Variants in WFDC8 observed in about 807,000 individuals in gnomAD.
WFDC8 encodes the protein WAP four-disulfide core domain 8.
WFDC8 carries 24 observed loss-of-function variants against 27.0 expected under a neutral mutation model. The observed-to-expected ratio is 0.89, with a 90% confidence interval of 0.64 to 1.25. WFDC8 has a LOEUF of 1.25. Ranked by LOEUF, WFDC8 falls within the 50% of genes most tolerant of loss-of-function variation. WFDC8 has a pLI of 0.00. For synonymous variants in WFDC8, 106 were observed against 99.7 expected (o/e 1.06, Z -0.38); for missense variants, 287 against 295.9 (o/e 0.97, Z 0.22).
At chr20:45,558,225 A>G (rs998146480) in intron 3 of WFDC8, among the ~76,000 whole-genome samples, 1 of 152,116 alleles carries the variant, frequency 6.6e-6, no homozygotes, top group Admixed American at 6.5e-5. Context: ...GAATTACCCA[A>G]TCAAAGCCCA....
rs760126387 is a variant in WFDC8, at chr20:45,553,141, C to T, written c.581G>A (p.Trp194Ter). The change falls in exon 5 of 6, where the codon TGG becomes TAG. Residue 194 changes from tryptophan (W) to a stop codon, truncating the protein, a stop_gained. Coordinates refer to ENST00000289953, the MANE Select transcript of WFDC8 (RefSeq NM_130896.3). LOFTEE classifies it low-confidence loss of function (END_TRUNC). ...GGTATATCCCCAATCCTTACCTGTCCAGGCCCTGGCACAAACAAAGCCACA... is the reference window on the plus strand; with the variant it reads ...GGTATATCCCCAATCCTTACCTGTCTAGGCCCTGGCACAAACAAAGCCACA... ...SRCGFVCARA[W>*]TVKKGFCPRK... 2 of 1,612,438 alleles carry T rather than the reference C, an allele frequency of 1.2e-6. No individual in the cohort carries two copies. Among genetic ancestry groups the T allele is most frequent in the East Asian group, 4.5e-5 (2 of 44,888 alleles).
chr20:45,578,904 C>T (rs1397368883), intron 1 of WFDC8, among the ~76,000 whole-genome samples: 4 of 152,100 alleles, frequency 2.6e-5, no homozygotes, highest in African/African-American at 4.8e-5. Flanking sequence ...AGGTTGCATT[C>T]GAGACCAGCC....
chr20:45,570,262 T>TG (rs918409528), intron 1 of WFDC8, among the ~76,000 whole-genome samples: 31 of 152,100 alleles, frequency 2.0e-4, no homozygotes, highest in African/African-American at 7.2e-4. Context: ...ACTGAAAGTC[T>TG]GGGGGGTAAG....
chr20:45,556,171 CAGCAACTAT>C (rs1462687995), intron 3 of WFDC8, among the ~76,000 whole-genome samples: 1 of 152,190 alleles, frequency 6.6e-6, no homozygotes, highest in Non-Finnish European at 1.5e-5. Context: ...AAGACTTGTT[CAGCAACTAT>C]TAGGTTGATG....
rs77301819 is a variant in WFDC8, at chr20:45,578,015, C to CA, written c.26+1206dup. Among the ~76,000 whole-genome samples, 193 of 148,364 alleles carry CA rather than the reference C, an allele frequency of 1.3e-3. 3 individuals are homozygous for CA. The highest frequency in any genetic ancestry group is 4.4e-3 in the African/African-American group (178 of 40,514). ...GAGAGAGATTCCCTCTCAAACAAAA[C>CA]AAAAAAAATAAAAATAAAAATAAAT... On this transcript the variant is annotated intron_variant, in intron 1 of 5. Transcript: ENST00000289953.
intron 3 of WFDC8, among the ~76,000 whole-genome samples, chr20:45,558,040 C>T (rs1215279000): frequency 2.0e-5 from 3 of 152,188 alleles, no homozygotes; most frequent in East Asian, 3.9e-4. Flanking sequence ...ACCCGCCCCC[C>T]TCTAAGCTAA....
At chr20:45,561,330 A>G (rs1980461822) in intron 2 of WFDC8, among the ~76,000 whole-genome samples, 1 of 152,022 alleles carries the variant, frequency 6.6e-6, no homozygotes, top group Non-Finnish European at 1.5e-5. Flanking sequence ...CAAACTAAAG[A>G]CTTTTATTTC....
chr20:45,564,535 G>A (rs997679979), intron 1 of WFDC8, among the ~76,000 whole-genome samples: 20 of 152,046 alleles, frequency 1.3e-4, no homozygotes, highest in Non-Finnish European at 2.2e-4. Flanking sequence ...TTAACCGGGC[G>A]TGGTGGCGGG....
intron 1 of WFDC8, among the ~76,000 whole-genome samples, chr20:45,576,098 TTG>T (rs767739974): frequency 2.0e-5 from 3 of 151,420 alleles, no homozygotes; most frequent in Admixed American, 1.3e-4. Context: ...CGGAGAAGGA[TTG>T]TCTCTAAATA....
chr20:45,554,456 G>A (rs1177620887), intron 4 of WFDC8, among the ~76,000 whole-genome samples: 2 of 152,152 alleles, frequency 1.3e-5, no homozygotes, highest in Non-Finnish European at 2.9e-5. Flanking sequence ...TAGGACATAG[G>A]TGGTATTTAA....
At chr20:45,554,051 A>T (rs1256455601) in intron 4 of WFDC8, among the ~76,000 whole-genome samples, 1 of 152,060 alleles carries the variant, frequency 6.6e-6, no homozygotes, top group Non-Finnish European at 1.5e-5. Flanking sequence ...ACGAAGCCTC[A>T]ATTTCCCCAG....
intron 4 of WFDC8, 50 bp from the exon 5 acceptor site, chr20:45,553,326 C>T (rs1437242863): frequency 6.3e-7 from 1 of 1,577,554 alleles, no homozygotes; most frequent in African/African-American, 1.3e-5. Flanking sequence ...CCCATCCCAC[C>T]ACCCTTCAAA....
chr20:45,558,719 G>T (rs1433282135), intron 3 of WFDC8, 133 bp downstream of exon 3: 2 of 1,081,162 alleles, frequency 1.8e-6, no homozygotes, highest in Non-Finnish European at 2.6e-6. Flanking sequence ...GTACTTGAGG[G>T]TTAGGCATTG....
intron 1 of WFDC8, chr20:45,568,015 C>A: frequency 3.7e-6 from 1 of 266,866 alleles, no homozygotes; most frequent in South Asian, 5.6e-5. Flanking sequence ...TGTGAAGGCC[C>A]TGCTAGAGAC....
intron 1 of WFDC8, among the ~76,000 whole-genome samples, chr20:45,575,561 T>C (rs1981015061): frequency 1.3e-5 from 2 of 151,314 alleles, no homozygotes; most frequent in Non-Finnish European, 3.0e-5. Flanking sequence ...TCATATGGAT[T>C]AGAAGAATTA....
At chr20:45,572,506 C>A (rs1038390635) in intron 1 of WFDC8, among the ~76,000 whole-genome samples, 1 of 151,994 alleles carries the variant, frequency 6.6e-6, no homozygotes. Flanking sequence ...GGTGATACCT[C>A]ATTGTGATTT....
At chr20:45,577,525 A>C (rs1981086030) in intron 1 of WFDC8, among the ~76,000 whole-genome samples, 2 of 149,444 alleles carry the variant, frequency 1.3e-5, no homozygotes, top group Admixed American at 1.3e-4. Flanking sequence ...CAGACTCCCG[A>C]GTAGCTGGGA....
At chr20:45,571,937 T>G (rs1980882200) in intron 1 of WFDC8, among the ~76,000 whole-genome samples, 1 of 152,226 alleles carries the variant, frequency 6.6e-6, no homozygotes, top group East Asian at 1.9e-4. Context: ...GCAATGAACA[T>G]AGCAGTGCCA....
chr20:45,552,666 G>C (rs1464972380), intron 5 of WFDC8, among the ~76,000 whole-genome samples: 1 of 152,006 alleles, frequency 6.6e-6, no homozygotes, highest in African/African-American at 2.4e-5. Context: ...ACATGGGGAA[G>C]TAAACACCTG....
Sources: gnomAD v4.1 joint callset for allele counts (sites outside exome capture counted in the v4.1 genomes callset) on GRCh38, gnomAD v4.1.1 for gene constraint, MANE v1.5 for transcripts, NCBI Gene and HGNC (gene_info 2026-07-23, HGNC 2026-07-21) for gene names.